Variants in NUMB observed in about 807,000 individuals in gnomAD.
NUMB encodes the protein NUMB endocytic adaptor protein, also known as protein numb homolog.
Under a neutral mutation model 59.7 loss-of-function variants are expected in NUMB, and 29 were observed. The observed-to-expected ratio is 0.49, with a 90% CI of 0.36 to 0.66. The LOEUF (loss-of-function observed/expected upper bound fraction) is 0.66. Ranked by LOEUF, NUMB falls within the 30% of genes least tolerant of loss-of-function variation. The pLI, the probability that NUMB is intolerant of heterozygous loss-of-function variation, is 0.00. For missense variants in NUMB, 723 were observed against 822.0 expected, an observed-to-expected ratio of 0.88 and a Z score of 1.47; for synonymous variants, 288 against 288.2, an observed-to-expected ratio of 1.00 and a Z score of 0.01.
chr14:73,284,463 C>T (rs979694497), intron 9 of NUMB, 89 bp from the exon 10 acceptor site: 3 of 1,096,980 alleles, frequency 2.7e-6, no homozygotes, highest in Non-Finnish European at 2.6e-6. Context: ...CCCTCTAGGT[C>T]CTTTTACCCA....
At chr14:73,328,404 C>T (rs538472204) in intron 4 of NUMB, among the ~76,000 whole-genome samples, 10 of 151,920 alleles carry the variant, frequency 6.6e-5, no homozygotes, top group Non-Finnish European at 7.4e-5. Flanking sequence ...TGGTTATTTC[C>T]GGTTTTGGTG....
chr14:73,386,519 A>C (rs926735018), intron 2 of NUMB, among the ~76,000 whole-genome samples: 1 of 152,044 alleles, frequency 6.6e-6, no homozygotes, highest in Admixed American at 6.6e-5. Flanking sequence ...TTTTGGCAAT[A>C]GGTTCTCTTA....
chr14:73,313,668 G>GAAAAAAAAAAAAAAAAAAAAAAAAAA (rs10582204), intron 6 of NUMB, among the ~76,000 whole-genome samples: 2 of 124,116 alleles, frequency 1.6e-5, no homozygotes, highest in African/African-American at 6.5e-5. Flanking sequence ...TCCAAAATCT[G>GAAAAAAAAAAAAAAAAAAAAAAAAAA]AAAAAAAAAA....
At chr14:73,393,589 T>C (rs1895963196) in intron 2 of NUMB, among the ~76,000 whole-genome samples, 1 of 152,216 alleles carries the variant, frequency 6.6e-6, no homozygotes, top group South Asian at 2.1e-4. Flanking sequence ...AAGGCTGGAA[T>C]AAGAGCCAGT....
chr14:73,453,598 A>G (rs890992224), intron 1 of NUMB, among the ~76,000 whole-genome samples: 7 of 151,854 alleles, frequency 4.6e-5, no homozygotes, highest in Admixed American at 4.6e-4. Flanking sequence ...TACATTACTA[A>G]AACAAATTTT....
Position 73,395,037 on chromosome 14 carries a change from T to TTGTGTGTGTGTGTGTG in NUMB, c.-101+14884_-101+14899dup, listed in dbSNP as rs3028731. On this transcript the variant is annotated intron_variant, in intron 2 of 12. Coordinates refer to ENST00000555238, the MANE Select transcript of NUMB (RefSeq NM_001005743.2). ...TTAAGGTTGAATAGTATTCGTGTGT[T>TTGTGTGTGTGTGTGTG]TGTGTGTGTGTGTGTGTGTGTGTGT... is the stretch of plus-strand genomic sequence containing the variant. 5.8e-3 allele frequency among the ~76,000 whole-genome samples: 693 copies of TTGTGTGTGTGTGTGTG among 119,934 alleles called. 21 individuals are homozygous for TTGTGTGTGTGTGTGTG. The highest frequency in any genetic ancestry group is 8.0e-3 in the Non-Finnish European group (469 of 58,568). The allele number at this position is 119,934 out of a possible 152,430, so 78.7% of individuals were successfully genotyped here. A position where few individuals can be genotyped will look rare whatever the true frequency, so the allele number is the denominator to read the frequency against.
At chr14:73,446,349 T>A (rs939137051) in intron 1 of NUMB, among the ~76,000 whole-genome samples, 9 of 152,088 alleles carry the variant, frequency 5.9e-5, no homozygotes, top group Non-Finnish European at 1.2e-4. Flanking sequence ...GGCTCACGCC[T>A]GTAATCCCAG....
chr14:73,301,529 C>G (rs1890128491), intron 6 of NUMB, among the ~76,000 whole-genome samples: 1 of 152,180 alleles, frequency 6.6e-6, no homozygotes, highest in East Asian at 1.9e-4. Flanking sequence ...CCTTGAACTC[C>G]TGGGCTCCAG....
chr14:73,344,111 T>C (rs944223841), intron 4 of NUMB, among the ~76,000 whole-genome samples: 20 of 152,356 alleles, frequency 1.3e-4, no homozygotes, highest in African/African-American at 1.7e-4. Context: ...ACTTTATCTA[T>C]GTTTTCAAGT....
At chr14:73,322,417 A>C (rs1891452459) in intron 5 of NUMB, among the ~76,000 whole-genome samples, 1 of 152,198 alleles carries the variant, frequency 6.6e-6, no homozygotes, top group South Asian at 2.1e-4. Flanking sequence ...TCTCTACTTC[A>C]AGTGTGCTAA....
At chr14:73,279,465 C>T (rs1594854025) in intron 11 of NUMB, 41 bp from the exon 12 acceptor site, 1 of 1,542,764 alleles carries the variant, frequency 6.5e-7, no homozygotes, top group Non-Finnish European at 8.7e-7. Context: ...TTAATTCATG[C>T]AGGGTGTACA....
At chr14:73,352,808 C>G (rs1365932015) in intron 4 of NUMB, among the ~76,000 whole-genome samples, 1 of 149,500 alleles carries the variant, frequency 6.7e-6, no homozygotes, top group African/African-American at 2.4e-5. Context: ...TCCCAAAGTG[C>G]TGGGATTACA....
intron 12 of NUMB, 112 bp downstream of exon 12, chr14:73,279,169 G>A: frequency 1.6e-6 from 2 of 1,233,918 alleles, no homozygotes; most frequent in Non-Finnish European, 2.3e-6. Flanking sequence ...AGGGAACATA[G>A]TTTTCCTGAA....
At position 73,352,500 on chromosome 14, in the gene NUMB, A is replaced by G. The variant is rs1230986857; in HGVS notation, c.126+3126T>C. ...CACATATATATATATATATATATAT[A>G]TATATATATATATATATATATATAT... On this transcript the variant is annotated intron_variant, in intron 4 of 12. Transcript: ENST00000555238. Among the ~76,000 whole-genome samples, 16 of 11,138 alleles carry G rather than the reference A, an allele frequency of 1.4e-3. 1 individual carries two copies. The highest frequency in any genetic ancestry group is 4.2e-3 in the African/African-American group (8 of 1,902). The allele number at this position is 11,138 out of a possible 152,430, so 7.3% of individuals were successfully genotyped here.
At chr14:73,372,532 T>C (rs1894763568) in intron 2 of NUMB, among the ~76,000 whole-genome samples, 1 of 149,968 alleles carries the variant, frequency 6.7e-6, no homozygotes, top group Non-Finnish European at 1.5e-5. Flanking sequence ...GAATAGATAT[T>C]AAAAACCACA....
chr14:73,370,760 C>G (rs1894633794), intron 2 of NUMB, among the ~76,000 whole-genome samples: 1 of 151,526 alleles, frequency 6.6e-6, no homozygotes, highest in Admixed American at 6.6e-5. Context: ...TCTGCATGAT[C>G]AGCATTTCCT....
At chr14:73,384,439 C>T (rs1438944808) in intron 2 of NUMB, among the ~76,000 whole-genome samples, 1 of 151,792 alleles carries the variant, frequency 6.6e-6, no homozygotes, top group African/African-American at 2.4e-5. Context: ...ACACTCATTA[C>T]CAATAGACTT....
intron 6 of NUMB, among the ~76,000 whole-genome samples, chr14:73,299,583 T>TATAC: frequency 7.7e-6 from 1 of 130,188 alleles, no homozygotes; most frequent in Non-Finnish European, 1.5e-5. Context: ...ACATGACATA[T>TATAC]GTCATGTCAT....
intron 9 of NUMB, chr14:73,284,644 AG>A: frequency 3.5e-6 from 1 of 285,064 alleles, no homozygotes; most frequent in African/African-American, 2.2e-5. Context: ...ACTGTGAAAA[AG>A]ATCTTAAAAA....
Sources: allele counts gnomAD v4.1 joint callset (sites outside exome capture counted in the v4.1 genomes callset), GRCh38; gene constraint gnomAD v4.1.1; transcripts MANE v1.5; gene names NCBI Gene and HGNC (gene_info 2026-07-23, HGNC 2026-07-21).